ERICH1: variants seen among roughly 807,000 people sequenced by gnomAD.
ERICH1 encodes glutamate-rich protein 1.
ERICH1 carries 56 observed loss-of-function variants against 39.6 expected under a neutral mutation model. The ratio of observed to expected loss-of-function variants is 1.41; its 90% CI spans 1.14 to 1.77. ERICH1 has a LOEUF of 1.77. Among genes scored for constraint, ERICH1 ranks in the 40% most tolerant of loss-of-function variants. The pLI, the probability that ERICH1 is intolerant of heterozygous loss-of-function variation, is 0.00. For missense variants in ERICH1, 826 were observed against 575.4 expected, an observed-to-expected ratio of 1.44 and a Z score of -4.45; for synonymous variants, 313 against 223.6, an observed-to-expected ratio of 1.40 and a Z score of -3.57.
intron 1 of ERICH1, among the ~76,000 whole-genome samples, chr8:730,770 C>T (rs1262951499): frequency 6.6e-6 from 1 of 152,206 alleles, no homozygotes; most frequent in African/African-American, 2.4e-5. Flanking sequence ...GGCTGCAGCC[C>T]CACCCCGGAG....
intron 3 of ERICH1, among the ~76,000 whole-genome samples, chr8:649,718 G>T (rs990142506): frequency 6.6e-6 from 1 of 152,190 alleles, no homozygotes; most frequent in African/African-American, 2.4e-5. Flanking sequence ...GGGCTCCAAG[G>T]CCCTGTGGCC....
chr8:619,286 C>T (rs184145200), intron 3 of ERICH1, among the ~76,000 whole-genome samples: 138 of 152,208 alleles, frequency 9.1e-4, no homozygotes, highest in African/African-American at 3.1e-3. Flanking sequence ...CCCGGTGAGA[C>T]CCACCGCGCA....
Position 664,746 on chromosome 8 carries a change from G to A in ERICH1, c.1259-70C>T. On this transcript the variant is annotated intron_variant, in intron 5 of 5. Coordinates refer to ENST00000262109, the MANE Select transcript of ERICH1 (RefSeq NM_207332.3). ...AAGAAAAATCATAAGTTATTATTATGTAGACACGAGCCTTTGGGCCCAAAG... is the reference window on the plus strand; with the variant it reads ...AAGAAAAATCATAAGTTATTATTATATAGACACGAGCCTTTGGGCCCAAAG... The A allele has an allele frequency of 1.8e-5, 24 of 1,312,860 alleles. No homozygotes were observed. In the South Asian group the frequency reaches 2.8e-4, roughly 16 times the overall value. The allele number at this position is 1,312,860 out of a possible 1,614,324, so 81.3% of individuals were successfully genotyped here. A position where few individuals can be genotyped will look rare whatever the true frequency, so the allele number is the denominator to read the frequency against.
intron 4 of ERICH1, among the ~76,000 whole-genome samples, chr8:671,019 G>A (rs1047637644): frequency 8.7e-5 from 13 of 150,180 alleles, no homozygotes; most frequent in Non-Finnish European, 1.6e-4. Context: ...CTCTGAACCT[G>A]CCGGCCCCTG....
At chr8:696,902 C>G (rs1172897427) in intron 2 of ERICH1, among the ~76,000 whole-genome samples, 2 of 150,402 alleles carry the variant, frequency 1.3e-5, no homozygotes, top group Non-Finnish European at 3.0e-5. Flanking sequence ...CACCCTCCCT[C>G]TCCTTCCTCC....
chr8:671,448 T>C (rs74902875), intron 4 of ERICH1, among the ~76,000 whole-genome samples: 59 of 105,104 alleles, frequency 5.6e-4, no homozygotes, highest in South Asian at 1.0e-3. Context: ...CTAATGTCTG[T>C]GCTCACTGGT....
intron 3 of ERICH1, among the ~76,000 whole-genome samples, chr8:677,443 C>G (rs1272092081): frequency 6.6e-6 from 1 of 152,214 alleles, no homozygotes; most frequent in Non-Finnish European, 1.5e-5. Context: ...CACACAGTCC[C>G]AAGATGAAGC....
At chr8:651,513 CCCGGAGAGGCTCCCACTG>C (rs1799942036) in intron 3 of ERICH1, among the ~76,000 whole-genome samples, 1 of 152,130 alleles carries the variant, frequency 6.6e-6, no homozygotes, top group Non-Finnish European at 1.5e-5. Flanking sequence ...CAGGAGCCAG[CCCGGAGAGGCTCCCACTG>C]CCCAAAGAAG....
chr8:658,134 A>C (rs1347734969), intron 3 of ERICH1, among the ~76,000 whole-genome samples: 1 of 152,174 alleles, frequency 6.6e-6, no homozygotes, highest in African/African-American at 2.4e-5. Context: ...GCTGGGCCCC[A>C]GTCTTTGGCT....
intron 2 of ERICH1, 109 bp downstream of exon 2, chr8:715,744 TCTGCAGAC>T (rs1815792345): frequency 4.3e-6 from 6 of 1,384,530 alleles, no homozygotes; most frequent in Non-Finnish European, 4.9e-6. Flanking sequence ...CTGCAGGCCC[TCTGCAGAC>T]CTGCAGACAG....
intron 3 of ERICH1, among the ~76,000 whole-genome samples, chr8:630,874 C>T (rs1223034025): frequency 2.0e-5 from 3 of 149,766 alleles, no homozygotes; most frequent in East Asian, 2.0e-4. Flanking sequence ...GACTCACACC[C>T]TCCTGTGACC....
At chr8:681,073 G>A (rs907788768) in intron 3 of ERICH1, among the ~76,000 whole-genome samples, 2 of 152,176 alleles carry the variant, frequency 1.3e-5, no homozygotes, top group South Asian at 2.1e-4. Flanking sequence ...AAAAAACACC[G>A]TATGCCAGAG....
chr8:697,718 C>T (rs1210737103), intron 2 of ERICH1, among the ~76,000 whole-genome samples: 1 of 151,974 alleles, frequency 6.6e-6, no homozygotes, highest in Non-Finnish European at 1.5e-5. Context: ...GCCACCCACA[C>T]AGGCGCCCCT....
At chr8:680,471 C>T (rs2131945530) in intron 3 of ERICH1, among the ~76,000 whole-genome samples, 1 of 151,594 alleles carries the variant, frequency 6.6e-6, no homozygotes, top group African/African-American at 2.4e-5. Flanking sequence ...ACACAGCTGC[C>T]ACCCCTCCCC....
rs1278323528 is a variant in ERICH1 at position 668,789 on chromosome 8, A to G, written c.1067T>C (p.Val356Ala). Reference sequence around the variant, plus strand: ...GGCAGCTGAAGCTGCATCTCTGGAGACACCTACATAAAGTCAGTTTTGCTT... The same window carrying G: ...GGCAGCTGAAGCTGCATCTCTGGAGGCACCTACATAAAGTCAGTTTTGCTT... ...STQEMYFYDG[V>A]SRDAASAALA... Residue 356 changes from valine (V) to alanine (A), a missense_variant, in exon 5 of 6, where the codon GTC becomes GCC. By Grantham distance (64) the Val-to-Ala change is moderately conservative. Transcript: ENST00000262109. The G allele has an allele frequency of 6.3e-7, 1 of 1,592,402 alleles. No homozygotes were observed. Among genetic ancestry groups the G allele is most frequent in the Non-Finnish European group, 8.5e-7 (1 of 1,170,146 alleles).
intron 3 of ERICH1, among the ~76,000 whole-genome samples, chr8:674,789 G>A (rs1689631925): frequency 6.6e-6 from 1 of 152,194 alleles, no homozygotes; most frequent in African/African-American, 2.4e-5. Flanking sequence ...ATCAGGTTGC[G>A]TTTTGACACG....
chr8:684,637 C>T (rs1012510689), intron 3 of ERICH1, among the ~76,000 whole-genome samples: 1 of 152,070 alleles, frequency 6.6e-6, no homozygotes, highest in African/African-American at 2.4e-5. Context: ...CTGGGGATAT[C>T]GGGGGAACCA....
intron 3 of ERICH1, chr8:615,584 A>C (rs1301146452): frequency 3.2e-6 from 1 of 315,860 alleles, no homozygotes; most frequent in Non-Finnish European, 5.8e-6. Context: ...CTATTTGGCA[A>C]ATGCTATGAA....
At chr8:716,708 C>A (rs961960866) in intron 1 of ERICH1, among the ~76,000 whole-genome samples, 2 of 152,200 alleles carry the variant, frequency 1.3e-5, no homozygotes, top group Non-Finnish European at 2.9e-5. Context: ...TTTGGAATAA[C>A]CAAAAGTCGC....
Sources: gnomAD v4.1 joint callset for allele counts (sites outside exome capture counted in the v4.1 genomes callset) on GRCh38, gnomAD v4.1.1 for gene constraint, MANE v1.5 for transcripts, NCBI Gene and HGNC (gene_info 2026-07-23, HGNC 2026-07-21) for gene names.